Variants in ATM observed in about 807,000 individuals in gnomAD.
ATM encodes the protein serine-protein kinase ATM.
A neutral mutation model predicts 387.0 loss-of-function variants in ATM; 308 were observed. That is an observed-to-expected ratio of 0.80 (90% CI 0.73 to 0.87). ATM has a LOEUF of 0.87. ATM is among the 40% of genes least tolerant of loss of function. The pLI is 0.00. For missense variants in ATM, 3,312 were observed against 3,560.9 expected (o/e 0.93, Z 1.78); for synonymous variants, 1,156 against 1,187.3 (o/e 0.97, Z 0.54).
intron 22 of ATM, among the ~76,000 whole-genome samples, chr11:108,274,422 G>A (rs1167433319): frequency 6.6e-6 from 1 of 151,976 alleles, no homozygotes; most frequent in African/African-American, 2.4e-5. Context: ...TTTTGAATTT[G>A]TTTGCTCTTG....
At chr11:108,234,548 G>T (rs920562836) in intron 4 of ATM, among the ~76,000 whole-genome samples, 1 of 152,138 alleles carries the variant, frequency 6.6e-6, no homozygotes, top group Non-Finnish European at 1.5e-5. Flanking sequence ...AATGACACAG[G>T]TACAGGGGTC....
intron 47 of ATM, among the ~76,000 whole-genome samples, chr11:108,326,605 C>A (rs1048537302): frequency 5.9e-5 from 9 of 152,132 alleles, no homozygotes; most frequent in Admixed American, 4.6e-4. Flanking sequence ...CAAGTTGGGA[C>A]AATTAGGTTG....
chr11:108,268,625 TGAA>T lies in ATM; in HGVS notation c.2838+21_2838+23del, dbSNP rs1227943119. 1 of 1,611,942 alleles carries T rather than the reference TGAA, an allele frequency of 6.2e-7. No individual in the cohort carries two copies. The highest frequency in any genetic ancestry group is 1.1e-5 in the South Asian group (1 of 91,042). On this transcript the variant is annotated intron_variant, in intron 18 of 62. Coordinates refer to ENST00000675843, the MANE Select transcript of ATM (RefSeq NM_000051.4). ...CCTGCATATGGTGAGTTACGTTAAATGAAGAAGCTCTTGGATTTTATCTGATGT... is the reference window on the plus strand; with the variant it reads ...CCTGCATATGGTGAGTTACGTTAAATGAAGCTCTTGGATTTTATCTGATGT...
intron 16 of ATM, 73 bp downstream of exon 16, chr11:108,259,148 T>A: frequency 1.7e-6 from 2 of 1,200,208 alleles, no homozygotes; most frequent in Non-Finnish European, 2.4e-6. Context: ...AATATCTTTG[T>A]AAATAAGGAT....
Position 108,324,970 on chromosome 11 carries a change from G to A in ATM, c.6573-340G>A, listed in dbSNP as rs186595470. Among the ~76,000 whole-genome samples the A allele has an allele frequency of 2.6e-5, 4 of 152,242 alleles. No individual in the cohort carries two copies. In the East Asian group the frequency reaches 7.7e-4, roughly 29 times the overall value. ...GCAGTATTGAAGCAGGACTAAAGAT[G>A]GAGGCATTCTTTATGATAGGTCTGA... On this transcript the variant is annotated intron_variant, in intron 45 of 62. Transcript: ENST00000675843.
Position 108,310,199 on chromosome 11 carries a change from G to A in ATM, c.5802G>A (p.Leu1934=), listed in dbSNP as rs2084026789. The A allele has an allele frequency of 6.2e-7, 1 of 1,613,460 alleles. No individual in the cohort carries two copies. Among genetic ancestry groups the A allele is most frequent in the East Asian group, 2.2e-5 (1 of 44,768 alleles). ...SGTIFNDAFW[L]DLNYLEVAKV... ...CAATTTTTAATGATGCTTTCTGGCT[G>A]GATTTAAATTATCTAGAAGTTGCCA... is the stretch of plus-strand genomic sequence containing the variant. Residue 1934 remains leucine, a synonymous_variant, in exon 39 of 63, where the codon CTG becomes CTA. Coordinates refer to ENST00000675843, the MANE Select transcript of ATM (RefSeq NM_000051.4).
At chr11:108,341,818 A>G (rs1321392760) in intron 56 of ATM, among the ~76,000 whole-genome samples, 1 of 152,206 alleles carries the variant, frequency 6.6e-6, no homozygotes, top group Non-Finnish European at 1.5e-5. Flanking sequence ...CAAAATATAA[A>G]AAGCCTGACA....
chr11:108,315,980 C>A, intron 41 of ATM, 31 bp from the exon 42 acceptor site: 1 of 1,611,170 alleles, frequency 6.2e-7, no homozygotes, highest in Non-Finnish European at 8.5e-7. Context: ...TGTGTAAAAC[C>A]CAAAGCTATT....
intron 59 of ATM, among the ~76,000 whole-genome samples, chr11:108,351,767 G>A (rs2089229512): frequency 6.6e-6 from 1 of 152,174 alleles, no homozygotes; most frequent in African/African-American, 2.4e-5. Flanking sequence ...ATGTCATAGG[G>A]TCCATCCTGG....
Position 108,317,512 on chromosome 11 carries a change from C to G in ATM, c.6338C>G (p.Thr2113Ser), listed in dbSNP as rs573290117. Residue 2113 changes from threonine to serine, a missense_variant, in exon 43 of 63, where the codon ACT (threonine) becomes AGT (serine). Transcript: ENST00000675843. The part of the protein sequence containing the change: ...AWRNMQWDHC[T>S]SVSKEVEGTS... ...AGGAATATGCAGTGGGACCATTGCA[C>G]TTCCGTCAGGTAAGAAATTTGACTT... The G allele has an allele frequency of 2.1e-5, 33 of 1,606,216 alleles. No individual in the cohort carries two copies. In the South Asian group the frequency reaches 2.8e-4, roughly 13 times the overall value.
At chr11:108,255,453 T>C (rs1337343455) in intron 13 of ATM, among the ~76,000 whole-genome samples, 1 of 142,726 alleles carries the variant, frequency 7.0e-6, no homozygotes, top group Non-Finnish European at 1.5e-5. Context: ...TGAGATGGAG[T>C]CTTGCTCTGT....
At chr11:108,262,861 C>T (rs1223494774) in intron 16 of ATM, among the ~76,000 whole-genome samples, 1 of 145,656 alleles carries the variant, frequency 6.9e-6, no homozygotes, top group Non-Finnish European at 1.5e-5. Context: ...AGACTTTAAA[C>T]CAACAAAGAT....
intron 3 of ATM, among the ~76,000 whole-genome samples, chr11:108,228,306 G>T (rs1249347592): frequency 6.6e-6 from 1 of 152,150 alleles, no homozygotes; most frequent in Non-Finnish European, 1.5e-5. Context: ...GAATACTTGT[G>T]TATGAATTTG....
intron 4 of ATM, chr11:108,230,704 C>G (rs776445148): frequency 6.6e-6 from 1 of 152,114 alleles, no homozygotes; most frequent in African/African-American, 2.4e-5. Flanking sequence ...AAGTGTGGGA[C>G]TCATTTTTTT....
At chr11:108,247,573 A>G (rs1364873459) in intron 8 of ATM, among the ~76,000 whole-genome samples, 3 of 152,042 alleles carry the variant, frequency 2.0e-5, no homozygotes, top group Admixed American at 1.3e-4. Flanking sequence ...AACCATCATC[A>G]CTAATTCTGG....
rs563446310 is a variant in ATM at position 108,271,947 on chromosome 11, A to G, written c.3077+541A>G. 2.1e-3 allele frequency among the ~76,000 whole-genome samples: 316 copies of G among 152,274 alleles called. 1 individual carries two copies. Among genetic ancestry groups the G allele is most frequent in the African/African-American group, 7.1e-3 (295 of 41,550 alleles). ...GAGTGCAGTGGTGCTATATCTGCTCACTGCAACCTCCGCCTAGTAGGTTCA... is the reference window on the plus strand; with the variant it reads ...GAGTGCAGTGGTGCTATATCTGCTCGCTGCAACCTCCGCCTAGTAGGTTCA... On this transcript the variant is annotated intron_variant, in intron 20 of 62. Coordinates refer to ENST00000675843, the MANE Select transcript of ATM (RefSeq NM_000051.4).
rs1060504306 is a variant in ATM, at chr11:108,229,217, G to A, written c.225G>A (p.Leu75=). Residue 75 remains leucine, a synonymous_variant, in exon 4 of 63, where the codon CTG becomes CTA. Coordinates refer to ENST00000675843, the MANE Select transcript of ATM (RefSeq NM_000051.4). The part of the protein sequence containing the change: ...QKYIQKETEC[L]RIAKPNVSAS... ...ATATTCAGAAAGAAACAGAATGTCTGAGAATAGCAAAACCAAATGTATCAG... is the reference window on the plus strand; with the variant it reads ...ATATTCAGAAAGAAACAGAATGTCTAAGAATAGCAAAACCAAATGTATCAG... 2 of 1,613,470 alleles carry A rather than the reference G, an allele frequency of 1.2e-6. No individual in the cohort carries two copies. Among genetic ancestry groups the A allele is most frequent in the Non-Finnish European group, 1.7e-6 (2 of 1,179,706 alleles).
At chr11:108,292,543 C>T (rs2082850339) in intron 29 of ATM, 76 bp from the exon 30 acceptor site, 4 of 1,510,046 alleles carry the variant, frequency 2.6e-6, no homozygotes, top group Non-Finnish European at 3.7e-6. Context: ...AACAAAAGGA[C>T]TTCTGAATGA....
At chr11:108,247,180 T>A (rs2135271261) in intron 8 of ATM, 53 bp downstream of exon 8, 1 of 1,585,674 alleles carries the variant, frequency 6.3e-7, no homozygotes, top group Non-Finnish European at 8.6e-7. Flanking sequence ...ATTTTTTTTT[T>A]AAACTGGGCA....
Sources: gnomAD v4.1 joint callset for allele counts (sites outside exome capture counted in the v4.1 genomes callset) on GRCh38, gnomAD v4.1.1 for gene constraint, MANE v1.5 for transcripts, NCBI Gene and HGNC (gene_info 2026-07-23, HGNC 2026-07-21) for gene names.